The following USP9X variants were observed in gnomAD, a reference collection of about 807,000 sequenced individuals.
USP9X encodes the protein ubiquitin specific peptidase 9 X-linked.
In USP9X, 7 loss-of-function variants were observed where a neutral mutation model predicts 190.3. The observed-to-expected ratio is 0.04, with a 90% CI of 0.02 to 0.07. The LOEUF (loss-of-function observed/expected upper bound fraction) is 0.07, where lower values mean the gene tolerates loss of function less well. Among genes scored for constraint, USP9X ranks in the 10% least tolerant of loss-of-function variants. USP9X has a pLI of 1.00. For missense variants in USP9X, 1,010 were observed against 1,916.9 expected (o/e 0.53, Z 8.83); for synonymous variants, 645 against 659.5 (o/e 0.98, Z 0.34).
chrX:41,144,437 T>C, intron 10 of USP9X, 85 bp from the exon 11 acceptor site: 1 of 761,855 alleles, frequency 1.3e-6, no homozygotes, highest in Non-Finnish European at 2.0e-6. Context: ...AGGAGTACTT[T>C]ATTAATTGTC....
chrX:41,132,263 T>C lies in USP9X; in HGVS notation c.322+727T>C, dbSNP rs949829083. Among the ~76,000 whole-genome samples, 114 of 106,808 alleles carry C rather than the reference T, an allele frequency of 1.1e-3. 1 individual carries two copies. The highest frequency in any genetic ancestry group is 4.8e-3 in the Middle Eastern group (1 of 207). The allele number at this position is 106,808 out of a possible 115,157, so 92.7% of individuals were successfully genotyped here. A position where few individuals can be genotyped will look rare whatever the true frequency, so the allele number is the denominator to read the frequency against. On this transcript the variant is annotated intron_variant, in intron 4 of 44. Coordinates refer to ENST00000378308, the MANE Select transcript of USP9X (RefSeq NM_001039591.3). ...AATCATTCTGCCTCAGCCTCTTGAG[T>C]GGGATACAGGCATGCGCCACCATGC...
At chrX:41,110,514 ACTGT>A (rs1425630925) in intron 1 of USP9X, among the ~76,000 whole-genome samples, 3 of 111,378 alleles carry the variant, frequency 2.7e-5, no homozygotes, top group African/African-American at 6.5e-5. Context: ...TGGCACTTGT[ACTGT>A]CTGAGTTTGA....
At chrX:41,181,332 G>A (rs950914999) in intron 21 of USP9X, among the ~76,000 whole-genome samples, 4 of 94,066 alleles carry the variant, frequency 4.3e-5, no homozygotes, top group Non-Finnish European at 6.2e-5. Flanking sequence ...AGGCTAGAGT[G>A]CAGCAGCATG....
intron 4 of USP9X, among the ~76,000 whole-genome samples, chrX:41,133,896 CATA>C (rs2062347562): frequency 8.9e-6 from 1 of 112,514 alleles, no homozygotes; most frequent in African/African-American, 3.2e-5. Flanking sequence ...CTGCATCAAA[CATA>C]GTAGTGCAGA....
chrX:41,090,912 CCTT>C lies in USP9X; in HGVS notation c.-159+4806_-159+4808del, dbSNP rs1318291910. Among the ~76,000 whole-genome samples the C allele has an allele frequency of 3.6e-5, 4 of 110,851 alleles. No individual in the cohort carries two copies. In the East Asian group the frequency reaches 1.1e-3, roughly 31 times the overall value. On this transcript the variant is annotated intron_variant, in intron 1 of 44. Transcript: ENST00000378308. ...ATATCAAATTTATTGTCACTTAGCACCTTCTCGGTGTTACGGTTCCAGCTCTAC... is the reference window on the plus strand; with the variant it reads ...ATATCAAATTTATTGTCACTTAGCACCTCGGTGTTACGGTTCCAGCTCTAC...
intron 14 of USP9X, among the ~76,000 whole-genome samples, chrX:41,161,259 C>G (rs1373510153): frequency 9.8e-6 from 1 of 102,034 alleles, no homozygotes; most frequent in African/African-American, 3.7e-5. Flanking sequence ...TGTGTGGCAA[C>G]TAATGAAGCA....
At chrX:41,139,928 T>G (rs2062407527) in intron 6 of USP9X, among the ~76,000 whole-genome samples, 1 of 111,933 alleles carries the variant, frequency 8.9e-6, no homozygotes, top group Admixed American at 9.5e-5. Context: ...ATATATTTGA[T>G]TCTTATATTT....
intron 32 of USP9X, among the ~76,000 whole-genome samples, chrX:41,207,063 G>A (rs2147219043): frequency 1.0e-5 from 1 of 98,261 alleles, no homozygotes; most frequent in South Asian, 4.9e-4. Context: ...ATAGGCATGA[G>A]CTACTGCTCC....
chrX:41,167,685 G>T (rs948058043), intron 17 of USP9X, 108 bp downstream of exon 17: 1 of 539,317 alleles, frequency 1.9e-6, no homozygotes, highest in African/African-American at 2.4e-5. Flanking sequence ...CTTGTTAGTT[G>T]TCTTGAAGTG....
intron 11 of USP9X, among the ~76,000 whole-genome samples, chrX:41,147,546 T>C (rs960530282): frequency 7.9e-5 from 8 of 101,265 alleles, no homozygotes; most frequent in African/African-American, 2.9e-4. Context: ...CTCCACTTCC[T>C]GGATTCAAGC....
At chrX:41,099,096 GTTTTTTTTTTTTTTT>G (rs34179321) in intron 1 of USP9X, among the ~76,000 whole-genome samples, 1 of 44,274 alleles carries the variant, frequency 2.3e-5, no homozygotes, top group African/African-American at 1.0e-4. Context: ...CCAGATAATT[GTTTTTTTTTTTTTTT>G]TTTTTTTTTT....
chrX:41,183,814 G>C (rs1760262125), intron 21 of USP9X, among the ~76,000 whole-genome samples, 184 bp from the exon 22 acceptor site: 1 of 105,316 alleles, frequency 9.5e-6, no homozygotes, highest in Admixed American at 1.0e-4. Flanking sequence ...TTTTGTTTTT[G>C]TTTTTGTTTA....
At chrX:41,148,955 C>G (rs1300344286) in intron 12 of USP9X, among the ~76,000 whole-genome samples, 1 of 111,984 alleles carries the variant, frequency 8.9e-6, no homozygotes, top group East Asian at 2.8e-4. Context: ...ATTTCCTAAC[C>G]ATTAAAACAT....
At chrX:41,140,585 A>G in intron 6 of USP9X, 71 bp from the exon 7 acceptor site, 1 of 741,258 alleles carries the variant, frequency 1.3e-6, no homozygotes, top group Non-Finnish European at 2.0e-6. Context: ...GTATATTTCA[A>G]TAAGGCTTTT....
chrX:41,213,052 A>G (rs1387645566), intron 33 of USP9X, among the ~76,000 whole-genome samples: 4 of 112,139 alleles, frequency 3.6e-5, no homozygotes, highest in Admixed American at 1.9e-4. Context: ...TTTGGAAATC[A>G]CTGGTTTTCT....
intron 1 of USP9X, among the ~76,000 whole-genome samples, chrX:41,119,246 C>T (rs1468230531): frequency 1.8e-5 from 2 of 111,097 alleles, no homozygotes; most frequent in Admixed American, 9.6e-5. Context: ...GGCATGGTGG[C>T]TCACATCTGT....
chrX:41,093,274 T>C (rs753797153), intron 1 of USP9X, among the ~76,000 whole-genome samples: 3 of 112,581 alleles, frequency 2.7e-5, no homozygotes, highest in East Asian at 5.6e-4. Flanking sequence ...TATTGCAAGG[T>C]GGTATTGCCT....
At position 41,143,256 on chromosome X, in the gene USP9X, TCTG is replaced by T. The variant is rs759033629; in HGVS notation, c.1162-32_1162-30del. On this transcript the variant is annotated intron_variant, in intron 9 of 44. Transcript: ENST00000378308. ...CAATTAAGAAAAAATTGTTTTAATT[TCTG>T]CTTTCAAACACGTTTTTGAATTAAC... The T allele has an allele frequency of 4.8e-6, 5 of 1,048,248 alleles. No individual in the cohort carries two copies. The African/African-American group carries it at 9.5e-5, about 20-fold the overall frequency. 86.4% of individuals were successfully genotyped at this position (1,048,248 alleles called of 1,213,427 possible). A position where few individuals can be genotyped will look rare whatever the true frequency, so the allele number is the denominator to read the frequency against.
At chrX:41,107,193 A>G (rs780893613) in intron 1 of USP9X, among the ~76,000 whole-genome samples, 5 of 103,772 alleles carry the variant, frequency 4.8e-5, no homozygotes, top group African/African-American at 1.8e-4. Context: ...CAATTTTTGT[A>G]TTTTTAGTAA....
Sources: allele counts gnomAD v4.1 joint callset (sites outside exome capture counted in the v4.1 genomes callset), GRCh38; gene constraint gnomAD v4.1.1; transcripts MANE v1.5; gene names NCBI Gene and HGNC (gene_info 2026-07-23, HGNC 2026-07-21).